Variants in ZNF558 observed in about 807,000 individuals in gnomAD.
ZNF558 encodes the protein zinc finger protein 558.
A neutral mutation model predicts 37.6 loss-of-function variants in ZNF558; 23 were observed. The ratio of observed to expected loss-of-function variants is 0.61; its 90% confidence interval spans 0.44 to 0.87. The LOEUF (loss-of-function observed/expected upper bound fraction) is 0.87, where lower values mean the gene tolerates loss of function less well. Ranked by LOEUF, ZNF558 falls within the 40% of genes least tolerant of loss-of-function variation. The pLI, the probability that ZNF558 is intolerant of heterozygous loss-of-function variation, is 0.00. For missense variants in ZNF558, 429 were observed against 483.7 expected, an observed-to-expected ratio of 0.89 and a Z score of 1.06; for synonymous variants, 189 against 174.4, an observed-to-expected ratio of 1.08 and a Z score of -0.66.
chr19:8,826,970 A>G (rs1202478614), intron 2 of ZNF558, among the ~76,000 whole-genome samples: 1 of 152,174 alleles, frequency 6.6e-6, no homozygotes, highest in Non-Finnish European at 1.5e-5. Context: ...GTAGGCACAC[A>G]GTAGTTCCAG....
At position 8,811,126 on chromosome 19, in the gene ZNF558, T is replaced by C. The variant is rs1293308793; in HGVS notation, c.*155A>G. 7.6e-6 allele frequency: 5 copies of C among 658,850 alleles called. No individual in the cohort carries two copies. Among genetic ancestry groups the C allele is most frequent in the Non-Finnish European group, 1.3e-5 (5 of 399,982 alleles). 40.8% of individuals were successfully genotyped at this position (658,850 alleles called of 1,614,324 possible). A position where few individuals can be genotyped will look rare whatever the true frequency, so the allele number is the denominator to read the frequency against. On this transcript the variant is annotated 3_prime_UTR_variant, in exon 10 of 10. Transcript: ENST00000601372. ...TGAATTCCTGATCTGTAGAAATTGT[T>C]AGAGAATAAACATTTCGTGTTTGAA...
chr19:8,831,448 A>G (rs1389725366), intron 1 of ZNF558, 47 bp from the exon 2 acceptor site: 6 of 151,494 alleles, frequency 4.0e-5, no homozygotes, highest in Non-Finnish European at 8.8e-5. Context: ...GGCTTTGTAT[A>G]GGTTGTACAG....
chr19:8,828,787 C>G (rs1285804097), intron 2 of ZNF558, among the ~76,000 whole-genome samples: 1 of 152,012 alleles, frequency 6.6e-6, no homozygotes, highest in African/African-American at 2.4e-5. Context: ...CATGGTGAAA[C>G]TCTGTCTCTA....
At chr19:8,817,593 G>A (rs1451610214) in intron 7 of ZNF558, among the ~76,000 whole-genome samples, 1 of 151,704 alleles carries the variant, frequency 6.6e-6, no homozygotes, top group African/African-American at 2.4e-5. Flanking sequence ...ACTTACAATG[G>A]CTTTATTGGG....
intron 7 of ZNF558, among the ~76,000 whole-genome samples, chr19:8,817,981 G>T (rs1394150061): frequency 6.6e-6 from 1 of 151,998 alleles, no homozygotes; most frequent in Non-Finnish European, 1.5e-5. Flanking sequence ...AAACTAACTA[G>T]ACCTAACAAA....
At chr19:8,824,765 C>T (rs907664566) in intron 3 of ZNF558, among the ~76,000 whole-genome samples, 3 of 152,150 alleles carry the variant, frequency 2.0e-5, no homozygotes, top group South Asian at 2.1e-4. Flanking sequence ...CTAGCTCTCC[C>T]GTGCTGCTAG....
At chr19:8,819,151 G>T (rs78045820) in intron 7 of ZNF558, among the ~76,000 whole-genome samples, 1 of 152,084 alleles carries the variant, frequency 6.6e-6, no homozygotes, top group African/African-American at 2.4e-5. Context: ...AAGCAAAAAA[G>T]AAAAACTAGA....
rs140279351 is a variant in ZNF558, at chr19:8,821,600, C to G, written c.121-294G>C. On this transcript the variant is annotated intron_variant, in intron 6 of 9. Transcript: ENST00000601372. ...CACAGAGCAGCTGCCTTTTCTCACT[C>G]AGACTGGGAGCTCCTGTGATCTTAT... The G allele has an allele frequency of 2.1e-5, 28 of 1,355,632 alleles. No homozygotes were observed. In the East Asian group the frequency reaches 7.7e-4, roughly 37 times the overall value. 84.0% of individuals were successfully genotyped at this position (1,355,632 alleles called of 1,614,324 possible).
In ZNF558 at chr19:8,811,614, A is replaced by G. The variant is rs781927784; in HGVS notation, c.876T>C (p.Tyr292=). 8.1e-6 allele frequency: 13 copies of G among 1,614,056 alleles called. No homozygotes were observed. The highest frequency in any genetic ancestry group is 1.6e-4 in the Middle Eastern group (1 of 6,084). ...AGGTTTTCCCACAATCGTGACATTC[A>G]TAAGGTTTCTCCCCTGTATGAATGC... ...HNSIHTGEKP[Y]ECHDCGKTFR... Residue 292 remains tyrosine, a synonymous_variant, in exon 10 of 10, where the codon TAT becomes TAC. Transcript: ENST00000601372.
At chr19:8,817,044 G>T (rs771194783) in intron 7 of ZNF558, among the ~76,000 whole-genome samples, 3 of 151,424 alleles carry the variant, frequency 2.0e-5, no homozygotes, top group Non-Finnish European at 4.4e-5. Context: ...AATGAGAAGG[G>T]AATCAAAATG....
chr19:8,821,233 C>T lies in ZNF558; in HGVS notation c.194G>A (p.Arg65Lys). The T allele has an allele frequency of 1.9e-6, 3 of 1,614,200 alleles. No homozygotes were observed. Among genetic ancestry groups the T allele is most frequent in the Non-Finnish European group, 2.5e-6 (3 of 1,180,052 alleles). The change falls in exon 7 of 10, where the codon AGG becomes AAG. Residue 65 changes from arginine (R) to lysine (K), a missense_variant. Transcript: ENST00000601372. Reference protein sequence around the residue: ...EEWALLDPAQRTLYRDVMLEN... With the variant: ...EEWALLDPAQKTLYRDVMLEN... ...CAGCATCACATCCCTGTACAGTGTCCTTTGGGCAGGGTCCAGCAACGCCCA... is the reference window on the plus strand; with the variant it reads ...CAGCATCACATCCCTGTACAGTGTCTTTTGGGCAGGGTCCAGCAACGCCCA...
intron 7 of ZNF558, among the ~76,000 whole-genome samples, chr19:8,813,941 C>T (rs1026177816): frequency 1.3e-5 from 2 of 152,320 alleles, no homozygotes; most frequent in Middle Eastern, 6.8e-3. Context: ...AGTCACTGCA[C>T]AGACCTAGGA....
At chr19:8,834,000 A>G (rs1167340729), upstream of ZNF558, among the ~76,000 whole-genome samples, 2 of 152,082 alleles carry the variant, frequency 1.3e-5, no homozygotes, top group African/African-American at 4.8e-5. Context: ...AAAACAAAAC[A>G]AAACAAAAAC....
chr19:8,813,477 G>A (rs1343770792), intron 7 of ZNF558, among the ~76,000 whole-genome samples: 3 of 152,112 alleles, frequency 2.0e-5, no homozygotes, highest in Non-Finnish European at 4.4e-5. Context: ...TCCTGCCTCA[G>A]CCTCCCAAGT....
At chr19:8,823,109 C>T (rs945874772) in intron 4 of ZNF558, among the ~76,000 whole-genome samples, 4 of 152,032 alleles carry the variant, frequency 2.6e-5, no homozygotes, top group African/African-American at 7.2e-5. Context: ...CAGAGACCCC[C>T]AGAGTCTCAG....
chr19:8,815,374 G>C (rs2043908965), intron 7 of ZNF558, among the ~76,000 whole-genome samples: 2 of 152,136 alleles, frequency 1.3e-5, no homozygotes, highest in Admixed American at 1.3e-4. Flanking sequence ...AAAAAAATTT[G>C]AGTTGAAAAG....
intron 8 of ZNF558, 34 bp from the exon 9 acceptor site, chr19:8,812,677 G>A (rs958283089): frequency 6.8e-7 from 1 of 1,460,644 alleles, no homozygotes; most frequent in African/African-American, 1.4e-5. Context: ...TAGGTTGATG[G>A]AGAAAAGAAA....
At chr19:8,824,891 A>C (rs1420138004) in intron 3 of ZNF558, 111 bp downstream of exon 3, 1 of 152,334 alleles carries the variant, frequency 6.6e-6, no homozygotes, top group Admixed American at 6.6e-5. Flanking sequence ...CATCCCAGCC[A>C]CAGCTCTTCA....
intron 7 of ZNF558, among the ~76,000 whole-genome samples, chr19:8,817,043 G>A (rs918012890): frequency 2.0e-5 from 3 of 151,336 alleles, no homozygotes; most frequent in South Asian, 2.1e-4. Context: ...AAATGAGAAG[G>A]GAATCAAAAT....
Sources: allele counts gnomAD v4.1 joint callset (sites outside exome capture counted in the v4.1 genomes callset), GRCh38; gene constraint gnomAD v4.1.1; transcripts MANE v1.5; gene names NCBI Gene and HGNC (gene_info 2026-07-23, HGNC 2026-07-21).